Variants in SIL1 observed in about 807,000 individuals in gnomAD.
SIL1 encodes nucleotide exchange factor SIL1.
Under a neutral mutation model 49.1 loss-of-function variants are expected in SIL1, and 40 were observed. That is an observed-to-expected ratio of 0.81 (90% CI 0.63 to 1.06). The LOEUF (loss-of-function observed/expected upper bound fraction) is 1.06, where lower values mean the gene tolerates loss of function less well. Ranked by LOEUF, SIL1 falls within the 50% of genes least tolerant of loss-of-function variation. The pLI is 0.00. For missense variants in SIL1, 500 were observed against 572.6 expected, an observed-to-expected ratio of 0.87 and a Z score of 1.29; for synonymous variants, 253 against 250.8, an observed-to-expected ratio of 1.01 and a Z score of -0.08.
intron 1 of SIL1, among the ~76,000 whole-genome samples, chr5:139,182,675 GAAGGAGAA>G (rs1330879730): frequency 6.6e-6 from 1 of 152,326 alleles, no homozygotes; most frequent in East Asian, 1.9e-4. Context: ...GACAAAGTGG[GAAGGAGAA>G]AAGGGGAAGA....
At chr5:138,975,712 T>A (rs1171783913) in intron 7 of SIL1, among the ~76,000 whole-genome samples, 2 of 152,180 alleles carry the variant, frequency 1.3e-5, no homozygotes, top group East Asian at 3.8e-4. Flanking sequence ...CATCTTGCTG[T>A]CCTATGTTGT....
chr5:139,097,860 T>C (rs372189989), intron 3 of SIL1, among the ~76,000 whole-genome samples: 49 of 152,200 alleles, frequency 3.2e-4, no homozygotes, highest in African/African-American at 1.2e-3. Flanking sequence ...CACACTAAAA[T>C]TAAATATCTA....
At chr5:139,075,129 T>C (rs1318944650) in intron 3 of SIL1, among the ~76,000 whole-genome samples, 1 of 152,168 alleles carries the variant, frequency 6.6e-6, no homozygotes, top group Non-Finnish European at 1.5e-5. Context: ...GGCCAGAATC[T>C]CTTTTTATGA....
chr5:139,028,495 C>CACAAAACAAAACAAA (rs56269800), intron 5 of SIL1, among the ~76,000 whole-genome samples: 4 of 149,184 alleles, frequency 2.7e-5, no homozygotes, highest in East Asian at 2.0e-4. Flanking sequence ...GAGACTCCAT[C>CACAAAACAAAACAAA]ACAAAACAAA....
intron 7 of SIL1, among the ~76,000 whole-genome samples, chr5:138,995,484 G>A (rs1356205257): frequency 2.6e-5 from 4 of 151,912 alleles, no homozygotes; most frequent in Admixed American, 6.6e-5. Context: ...CAGGTGATCC[G>A]CCCACCTTGG....
intron 1 of SIL1, among the ~76,000 whole-genome samples, chr5:139,167,034 G>A (rs550200643): frequency 6.6e-6 from 1 of 152,144 alleles, no homozygotes; most frequent in Non-Finnish European, 1.5e-5. Context: ...GGATGGTCTC[G>A]ATCTCCTGAC....
In SIL1 at chr5:139,112,806, A is replaced by G. The variant is rs1770897488; in HGVS notation, c.244+8229T>C. On this transcript the variant is annotated intron_variant, in intron 3 of 9. Coordinates refer to ENST00000394817, the MANE Select transcript of SIL1 (RefSeq NM_022464.5). ...ACCCCGTCTGGGAGGTGCACCCAAC[A>G]GCTCATTGAGAACGGGCCATGATGA... 2.0e-5 allele frequency among the ~76,000 whole-genome samples: 3 copies of G among 152,210 alleles called. No individual in the cohort carries two copies. In the South Asian group the frequency reaches 6.2e-4, roughly 31 times the overall value.
At chr5:138,994,088 C>T (rs1448171522) in intron 7 of SIL1, among the ~76,000 whole-genome samples, 3 of 151,852 alleles carry the variant, frequency 2.0e-5, no homozygotes, top group Non-Finnish European at 4.4e-5. Context: ...TAGAATCATT[C>T]CCTTTAAAGA....
chr5:139,014,079 A>G (rs1233332405), intron 7 of SIL1: 1 of 152,228 alleles, frequency 6.6e-6, no homozygotes, highest in African/African-American at 2.4e-5. Flanking sequence ...GAACTGGCTT[A>G]CAACAGAGAA....
At chr5:139,176,540 T>C (rs1386453231) in intron 1 of SIL1, among the ~76,000 whole-genome samples, 1 of 152,208 alleles carries the variant, frequency 6.6e-6, no homozygotes, top group African/African-American at 2.4e-5. Context: ...GGATAATTTA[T>C]ATATAACAGA....
chr5:139,002,126 G>A (rs1767999109), intron 7 of SIL1, among the ~76,000 whole-genome samples: 1 of 151,730 alleles, frequency 6.6e-6, no homozygotes, highest in African/African-American at 2.4e-5. Flanking sequence ...CAAGAGGATT[G>A]CTTGAACCCA....
At chr5:139,040,541 C>T (rs1419695310) in intron 5 of SIL1, among the ~76,000 whole-genome samples, 1 of 139,124 alleles carries the variant, frequency 7.2e-6, no homozygotes, top group African/African-American at 2.8e-5. Flanking sequence ...TCTTGTCACC[C>T]AGGCTGGAGT....
At chr5:139,133,295 G>A (rs1042652522) in intron 1 of SIL1, 3 of 152,198 alleles carry the variant, frequency 2.0e-5, no homozygotes, top group African/African-American at 7.2e-5. Flanking sequence ...TCCATTTGTA[G>A]GCTGTACCTC....
chr5:138,998,340 A>G (rs1767916850), intron 7 of SIL1, among the ~76,000 whole-genome samples: 1 of 151,846 alleles, frequency 6.6e-6, no homozygotes, highest in African/African-American at 2.4e-5. Flanking sequence ...GCAAATTTTT[A>G]TATTTTTTGT....
intron 7 of SIL1, among the ~76,000 whole-genome samples, chr5:139,011,723 G>A (rs1768277579): frequency 6.6e-6 from 1 of 152,092 alleles, no homozygotes; most frequent in Admixed American, 6.6e-5. Flanking sequence ...TGTTTTGGTT[G>A]TGAGCTCATG....
intron 1 of SIL1, among the ~76,000 whole-genome samples, chr5:139,159,071 G>A (rs11242451): frequency 0.38 from 57,872 of 151,344 alleles, 12,578 homozygotes; most frequent in South Asian, 0.52. Context: ...CAGGGGACAA[G>A]GGGAAAGAAA....
At chr5:138,994,470 C>T (rs184634658) in intron 7 of SIL1, among the ~76,000 whole-genome samples, 26 of 152,254 alleles carry the variant, frequency 1.7e-4, no homozygotes, top group African/African-American at 5.8e-4. Context: ...GACCATCTAA[C>T]TGGAAAGACA....
intron 1 of SIL1, among the ~76,000 whole-genome samples, chr5:139,139,031 G>T (rs538482248): frequency 6.6e-6 from 1 of 152,294 alleles, no homozygotes; most frequent in East Asian, 1.9e-4. Context: ...GATGACTCAG[G>T]CCTGTCTCCA....
At chr5:138,998,851 CCTT>C (rs1230153646) in intron 7 of SIL1, among the ~76,000 whole-genome samples, 26 of 129,092 alleles carry the variant, frequency 2.0e-4, no homozygotes, top group African/African-American at 7.7e-4. Flanking sequence ...GATTATCTTT[CCTT>C]TTTTTTTTTT....
Sources: gnomAD v4.1 joint callset for allele counts (sites outside exome capture counted in the v4.1 genomes callset) on GRCh38, gnomAD v4.1.1 for gene constraint, MANE v1.5 for transcripts, NCBI Gene and HGNC (gene_info 2026-07-23, HGNC 2026-07-21) for gene names.